Variants in SPRTN observed in about 807,000 individuals in gnomAD.
The protein encoded by SPRTN is SprT-like N-terminal domain.
In SPRTN, 11 loss-of-function variants were observed where a neutral mutation model predicts 31.9. That is an observed-to-expected ratio of 0.34 (90% CI 0.22 to 0.57). The LOEUF is 0.57. Ranked by LOEUF, SPRTN falls within the 20% of genes least tolerant of loss-of-function variation. SPRTN has a pLI of 0.86. For synonymous variants in SPRTN, 185 were observed against 212.1 expected (o/e 0.87, Z 1.11); for missense variants, 482 against 590.1 (o/e 0.82, Z 1.90).
chr1:231,339,731 G>A, intron 1 of SPRTN, 38 bp from the exon 2 acceptor site: 1 of 1,603,916 alleles, frequency 6.2e-7, no homozygotes, highest in Non-Finnish European at 8.5e-7. Context: ...GGGCATATTT[G>A]GCCAATGTAA....
In SPRTN at chr1:231,342,933, T is replaced by C. The variant is rs1330326301; in HGVS notation, c.321+3065T>C. Among the ~76,000 whole-genome samples, 4 of 151,556 alleles carry C rather than the reference T, an allele frequency of 2.6e-5. No individual in the cohort carries two copies. In the East Asian group the frequency reaches 7.8e-4, roughly 29 times the overall value. ...GTATTTTTTTTACTAGAGACGGGGT[T>C]TCATCATGTTAGCCAGGATGGTCTC... On this transcript the variant is annotated intron_variant, in intron 2 of 4. Transcript: ENST00000295050.
At chr1:231,338,880 T>G (rs1215488562) in intron 1 of SPRTN, among the ~76,000 whole-genome samples, 1 of 152,200 alleles carries the variant, frequency 6.6e-6, no homozygotes, top group Non-Finnish European at 1.5e-5. Flanking sequence ...TCACTTCACT[T>G]GAAAATAACA....
chr1:231,339,638 C>A, intron 1 of SPRTN, 131 bp from the exon 2 acceptor site: 1 of 952,788 alleles, frequency 1.0e-6, no homozygotes, highest in Non-Finnish European at 1.7e-6. Context: ...ATGCAAGTAT[C>A]TGCTAACCAA....
chr1:231,343,827 A>G (rs1164418088), intron 2 of SPRTN, among the ~76,000 whole-genome samples: 2 of 151,690 alleles, frequency 1.3e-5, no homozygotes, highest in Admixed American at 6.6e-5. Flanking sequence ...GACGAATTGT[A>G]CTTTTGACAA....
At chr1:231,342,565 C>T (rs1311164567) in intron 2 of SPRTN, among the ~76,000 whole-genome samples, 3 of 150,984 alleles carry the variant, frequency 2.0e-5, no homozygotes, top group Middle Eastern at 3.2e-3. Context: ...CAAGTAGCTG[C>T]GATTAAAGGT....
chr1:231,349,008 G>A (rs923090631), intron 3 of SPRTN, among the ~76,000 whole-genome samples: 1 of 152,222 alleles, frequency 6.6e-6, no homozygotes, highest in East Asian at 1.9e-4. Context: ...GTCTTGCTCT[G>A]TTGCCCAGGC....
At chr1:231,347,694 C>T (rs1020542917) in intron 2 of SPRTN, 103 bp from the exon 3 acceptor site, 14 of 1,337,936 alleles carry the variant, frequency 1.0e-5, no homozygotes, top group Non-Finnish European at 1.4e-5. Context: ...CTGAAGGAAG[C>T]CTGTGATACA....
At chr1:231,339,318 T>C (rs1329958788) in intron 1 of SPRTN, 5 of 324,384 alleles carry the variant, frequency 1.5e-5, no homozygotes, top group East Asian at 1.4e-4. Context: ...ACTGGAGATA[T>C]CTGCTTGTTA....
At chr1:231,348,771 A>G in intron 3 of SPRTN, among the ~76,000 whole-genome samples, 1 of 152,200 alleles carries the variant, frequency 6.6e-6, no homozygotes, top group Middle Eastern at 3.4e-3. Context: ...AGCTATTACA[A>G]TTTTTTATGC....
intron 3 of SPRTN, among the ~76,000 whole-genome samples, chr1:231,349,234 T>A (rs577541739): frequency 6.6e-6 from 1 of 152,160 alleles, no homozygotes; most frequent in Non-Finnish European, 1.5e-5. Context: ...CATCTCAGCC[T>A]CCCAAAGTGG....
chr1:231,348,000 G>A, intron 3 of SPRTN, 75 bp downstream of exon 3: 1 of 1,547,138 alleles, frequency 6.5e-7, no homozygotes, highest in Non-Finnish European at 8.7e-7. Flanking sequence ...ATTAAAAGTA[G>A]AGAACTAGGT....
At chr1:231,343,996 G>T (rs968661057) in intron 2 of SPRTN, among the ~76,000 whole-genome samples, 3 of 152,138 alleles carry the variant, frequency 2.0e-5, no homozygotes, top group Non-Finnish European at 4.4e-5. Context: ...ACTGTGTTGT[G>T]TATAGATCCT....
At chr1:231,347,721 A>G (rs1334201786) in intron 2 of SPRTN, 76 bp from the exon 3 acceptor site, 2 of 1,496,576 alleles carry the variant, frequency 1.3e-6, no homozygotes, top group Non-Finnish European at 1.8e-6. Flanking sequence ...GTTAGACACC[A>G]GATAGAATAA....
At chr1:231,340,291 G>C (rs376243338) in intron 2 of SPRTN, among the ~76,000 whole-genome samples, 10 of 152,072 alleles carry the variant, frequency 6.6e-5, no homozygotes, top group East Asian at 5.8e-4. Context: ...GGCATGAACT[G>C]AGGAGGCGGA....
At chr1:231,340,455 G>A (rs1331762604) in intron 2 of SPRTN, among the ~76,000 whole-genome samples, 2 of 152,168 alleles carry the variant, frequency 1.3e-5, no homozygotes, top group African/African-American at 2.4e-5. Flanking sequence ...TCATTTTTAT[G>A]AGTAAAGAAA....
At chr1:231,344,315 G>A (rs1173207408) in intron 2 of SPRTN, among the ~76,000 whole-genome samples, 1 of 152,108 alleles carries the variant, frequency 6.6e-6, no homozygotes, top group Admixed American at 6.6e-5. Context: ...ACCTGTCTGG[G>A]TAAGATGGTG....
intron 4 of SPRTN, chr1:231,352,363 C>T (rs1009396608): frequency 1.7e-6 from 2 of 1,175,446 alleles, no homozygotes; most frequent in African/African-American, 3.2e-5. Flanking sequence ...TGTTGTTGGT[C>T]TTTGGCATGA....
At chr1:231,342,547 C>T (rs1278049942) in intron 2 of SPRTN, among the ~76,000 whole-genome samples, 1 of 151,848 alleles carries the variant, frequency 6.6e-6, no homozygotes, top group East Asian at 1.9e-4. Context: ...CCTCCTACCT[C>T]AGCCTCCCAA....
At chr1:231,349,816 C>T (rs1687168312) in intron 3 of SPRTN, among the ~76,000 whole-genome samples, 1 of 152,052 alleles carries the variant, frequency 6.6e-6, no homozygotes, top group Non-Finnish European at 1.5e-5. Context: ...TTGAGATCAG[C>T]CTGGGCAATT....
Sources: gnomAD v4.1 joint callset for allele counts (sites outside exome capture counted in the v4.1 genomes callset) on GRCh38, gnomAD v4.1.1 for gene constraint, MANE v1.5 for transcripts, NCBI Gene and HGNC (gene_info 2026-07-23, HGNC 2026-07-21) for gene names.